Variants in SPSB4 observed in about 807,000 individuals in gnomAD.
The protein encoded by SPSB4 is splA/ryanodine receptor domain and SOCS box containing 4, also known as SPRY domain-containing SOCS box protein 4.
SPSB4 carries 21 observed loss-of-function variants against 20.9 expected under a neutral mutation model. The ratio of observed to expected loss-of-function variants is 1.01; its 90% CI spans 0.71 to 1.45. The LOEUF (loss-of-function observed/expected upper bound fraction) is 1.45, where lower values mean the gene tolerates loss of function less well. SPSB4 is among the 40% of genes most tolerant of loss of function. SPSB4 has a pLI of 0.00. For missense variants in SPSB4, 399 were observed against 399.2 expected (o/e 1.00, Z 0.00); for synonymous variants, 207 against 183.8 (o/e 1.13, Z -1.02).
chr3:141,138,528 T>C (rs1367059100), intron 2 of SPSB4, among the ~76,000 whole-genome samples: 1 of 152,218 alleles, frequency 6.6e-6, no homozygotes, highest in Non-Finnish European at 1.5e-5. Context: ...GATTCTGATA[T>C]GTTGTGTCTT....
At chr3:141,122,949 G>A (rs1044344514) in intron 2 of SPSB4, among the ~76,000 whole-genome samples, 2 of 152,186 alleles carry the variant, frequency 1.3e-5, no homozygotes, top group African/African-American at 2.4e-5. Context: ...TGGGCTGCAC[G>A]CACTGTCCAA....
intron 2 of SPSB4, among the ~76,000 whole-genome samples, chr3:141,136,161 A>T (rs1285958345): frequency 6.6e-6 from 1 of 152,148 alleles, no homozygotes; most frequent in Non-Finnish European, 1.5e-5. Flanking sequence ...GGGTCTGTTC[A>T]TATCCTTTGC....
chr3:141,114,898 T>C (rs1938860542), intron 2 of SPSB4, among the ~76,000 whole-genome samples: 1 of 152,262 alleles, frequency 6.6e-6, no homozygotes, highest in Non-Finnish European at 1.5e-5. Flanking sequence ...ACATTAAATA[T>C]GTGAATGTTC....
chr3:141,081,338 G>C (rs1397565978), intron 2 of SPSB4, among the ~76,000 whole-genome samples: 4 of 152,200 alleles, frequency 2.6e-5, no homozygotes, highest in African/African-American at 9.7e-5. Context: ...TACTGGATGG[G>C]GCTGCTTTAG....
intron 2 of SPSB4, among the ~76,000 whole-genome samples, chr3:141,112,570 G>A (rs377754022): frequency 1.7e-4 from 25 of 146,620 alleles, no homozygotes; most frequent in East Asian, 6.0e-4. Flanking sequence ...GCGTGAACCC[G>A]GGAGGCGGAG....
rs1937896509 is a variant in SPSB4 at position 141,066,855 on chromosome 3, G to T, written c.694+57G>T. 2.0e-6 allele frequency: 3 copies of T among 1,470,982 alleles called. No individual in the cohort carries two copies. The Admixed American group carries it at 7.0e-5, about 34-fold the overall frequency. 91.1% of individuals were successfully genotyped at this position (1,470,982 alleles called of 1,614,324 possible). ...TCAGAGGCTGCCAGGCCCTAGGGAA[G>T]CTGGGCAGGCCACACCTCCATCGCC... On this transcript the variant is annotated intron_variant, in intron 2 of 2. Transcript: ENST00000310546.
At chr3:141,062,234 T>C (rs1032983268) in intron 1 of SPSB4, among the ~76,000 whole-genome samples, 6 of 152,198 alleles carry the variant, frequency 3.9e-5, no homozygotes, top group Middle Eastern at 3.2e-3. Context: ...AGTGAGGTTA[T>C]GGGTTTTGGG....
intron 1 of SPSB4, among the ~76,000 whole-genome samples, chr3:141,056,335 A>C (rs1413679093): frequency 6.6e-6 from 1 of 152,028 alleles, no homozygotes; most frequent in African/African-American, 2.4e-5. Flanking sequence ...TGTTATCTGC[A>C]TTCTATGAAA....
chr3:141,075,546 C>A (rs1308111072), intron 2 of SPSB4, among the ~76,000 whole-genome samples: 1 of 152,152 alleles, frequency 6.6e-6, no homozygotes, highest in Non-Finnish European at 1.5e-5. Flanking sequence ...CCTCAGTGTG[C>A]ATTCAAGCCA....
In SPSB4 at chr3:141,129,238, C is replaced by T. The variant is rs1210286408; in HGVS notation, c.695-17904C>T. 2.0e-5 allele frequency among the ~76,000 whole-genome samples: 3 copies of T among 152,332 alleles called. No individual in the cohort carries two copies. In the East Asian group the frequency reaches 5.8e-4, roughly 29 times the overall value. ...GAGGTTTTGCCCATGCTCTATTCAG[C>T]TTCTCTATTGGACCTTCACAGCTCC... On this transcript the variant is annotated intron_variant, in intron 2 of 2. Transcript: ENST00000310546.
chr3:141,094,789 C>T (rs1938518074), intron 2 of SPSB4, among the ~76,000 whole-genome samples: 4 of 107,642 alleles, frequency 3.7e-5, no homozygotes, highest in Non-Finnish European at 5.5e-5. Context: ...CGCCCCTTTG[C>T]CCCCCTGGGA....
chr3:141,091,208 C>T (rs988156302), intron 2 of SPSB4, among the ~76,000 whole-genome samples: 13 of 152,162 alleles, frequency 8.5e-5, no homozygotes, highest in East Asian at 1.9e-4. Flanking sequence ...AATCCCCTGG[C>T]GAAGGAGGGT....
intron 2 of SPSB4, among the ~76,000 whole-genome samples, chr3:141,127,534 C>G (rs1030804996): frequency 1.3e-5 from 2 of 152,244 alleles, no homozygotes; most frequent in African/African-American, 4.8e-5. Flanking sequence ...ATTTATCTCA[C>G]AGGCATCACT....
At chr3:141,065,161 T>C (rs1407837880) in intron 1 of SPSB4, among the ~76,000 whole-genome samples, 1 of 152,124 alleles carries the variant, frequency 6.6e-6, no homozygotes, top group East Asian at 1.9e-4. Flanking sequence ...CAGTAGGAGA[T>C]GGAGAGAGGG....
chr3:141,101,446 C>T (rs1181638102), intron 2 of SPSB4, among the ~76,000 whole-genome samples: 1 of 152,190 alleles, frequency 6.6e-6, no homozygotes, highest in African/African-American at 2.4e-5. Flanking sequence ...GCAGCTGGGG[C>T]AGAGACTTAG....
intron 2 of SPSB4, among the ~76,000 whole-genome samples, chr3:141,083,343 C>T (rs973762622): frequency 1.3e-5 from 2 of 152,142 alleles, no homozygotes; most frequent in African/African-American, 4.8e-5. Context: ...ACTGTTGTCT[C>T]CACACTGCCA....
intron 2 of SPSB4, among the ~76,000 whole-genome samples, chr3:141,083,587 G>A (rs182279698): frequency 1.3e-5 from 2 of 152,124 alleles, no homozygotes; most frequent in East Asian, 1.9e-4. Context: ...CACATCCCCC[G>A]GCGGGCAAGT....
At chr3:141,056,814 C>A (rs1206560554) in intron 1 of SPSB4, among the ~76,000 whole-genome samples, 3 of 152,264 alleles carry the variant, frequency 2.0e-5, no homozygotes, top group Admixed American at 2.0e-4. Context: ...GGCTCAGGGG[C>A]AGCTGTGGTG....
In SPSB4 at chr3:141,145,273, G is replaced by A. The variant is rs552589251; in HGVS notation, c.695-1869G>A. On this transcript the variant is annotated intron_variant, in intron 2 of 2. Coordinates refer to ENST00000310546, the MANE Select transcript of SPSB4 (RefSeq NM_080862.3). ...GAGGATACAGAGGTGAGTGTTTGGA[G>A]TCACTAGTGCTCCCTGCAGATAGCC... is the stretch of plus-strand genomic sequence containing the variant. Among the ~76,000 whole-genome samples, 4 of 151,912 alleles carry A rather than the reference G, an allele frequency of 2.6e-5. No homozygotes were observed. In the South Asian group the frequency reaches 8.3e-4, roughly 32 times the overall value.
Sources: allele counts gnomAD v4.1 joint callset (sites outside exome capture counted in the v4.1 genomes callset), GRCh38; gene constraint gnomAD v4.1.1; transcripts MANE v1.5; gene names NCBI Gene and HGNC (gene_info 2026-07-23, HGNC 2026-07-21).